Variants in PIK3CD observed in about 807,000 individuals in gnomAD.
The protein encoded by PIK3CD is phosphatidylinositol 4,5-bisphosphate 3-kinase catalytic subunit delta isoform.
Under a neutral mutation model 122.9 loss-of-function variants are expected in PIK3CD, and 20 were observed. The ratio of observed to expected loss-of-function variants is 0.16; its 90% CI spans 0.11 to 0.24. The LOEUF (loss-of-function observed/expected upper bound fraction) is 0.24. PIK3CD is among the 10% of genes least tolerant of loss of function. The pLI is 1.00. For synonymous variants in PIK3CD, 596 were observed against 593.4 expected, an observed-to-expected ratio of 1.00 and a Z score of -0.06; for missense variants, 787 against 1,406.3, an observed-to-expected ratio of 0.56 and a Z score of 7.04.
chr1:9,655,814 A>G (rs775211721), intron 1 of PIK3CD, among the ~76,000 whole-genome samples: 14 of 147,138 alleles, frequency 9.5e-5, no homozygotes, highest in Middle Eastern at 3.6e-3. Flanking sequence ...CTCCCACCTC[A>G]GCCTCCTGAG....
the PIK3CD span, among the ~76,000 whole-genome samples, chr1:9,645,604 A>ATTT: frequency 2.7e-4 from 36 of 131,798 alleles, no homozygotes; most frequent in Middle Eastern, 3.8e-3. Context: ...GGAATGGCTA[A>ATTT]TTTTTTTTTT....
chr1:9,663,022 C>T (rs994253380), intron 1 of PIK3CD, among the ~76,000 whole-genome samples: 4 of 152,146 alleles, frequency 2.6e-5, no homozygotes, highest in African/African-American at 4.8e-5. Context: ...TATTGCTCTG[C>T]GGAGGCTGTC....
chr1:9,689,861 C>T lies in PIK3CD; in HGVS notation c.-137-1606C>T, dbSNP rs1246654984. 6.7e-6 allele frequency among the ~76,000 whole-genome samples: 1 copy of T among 148,886 alleles called. No individual in the cohort carries two copies. The highest frequency in any genetic ancestry group is 2.5e-5 in the African/African-American group (1 of 40,602). On this transcript the variant is annotated intron_variant, in intron 1 of 23. Coordinates refer to ENST00000377346, the MANE Select transcript of PIK3CD (RefSeq NM_005026.5). The surrounding 1 kb of genome is among the most constrained non-coding windows in gnomAD (Gnocchi z 6.1). ...GGGTCGGTGGAGGCGATCAGGGGTC[C>T]GGGGCCGTGGGGGCTTGGGGGGCCG...
intron 2 of PIK3CD, among the ~76,000 whole-genome samples, chr1:9,705,784 A>G (rs1646808848): frequency 6.6e-6 from 1 of 152,232 alleles, no homozygotes; most frequent in Non-Finnish European, 1.5e-5. Context: ...CATTCACATC[A>G]AATTGGCAAA....
chr1:9,646,014 C>T, the PIK3CD span, among the ~76,000 whole-genome samples: 6 of 151,838 alleles, frequency 4.0e-5, no homozygotes, highest in African/African-American at 9.7e-5. Flanking sequence ...TCAGGTGATC[C>T]GCCCACCTCA....
Position 9,678,821 on chromosome 1 carries a change from C to T in PIK3CD, c.-137-12646C>T, listed in dbSNP as rs4846189. Among the ~76,000 whole-genome samples, 3,134 of 152,304 alleles carry T rather than the reference C, an allele frequency of 0.021. 248 individuals carry two copies. The East Asian group carries it at 0.23, about 11-fold the overall frequency. On this transcript the variant is annotated intron_variant, in intron 1 of 23. Coordinates refer to ENST00000377346, the MANE Select transcript of PIK3CD (RefSeq NM_005026.5). ...TAAAGAAGACATTGCACAAGTTTGC[C>T]CCTGCCATTTAAATCCTTTGTCCTA...
At chr1:9,657,312 G>A (rs1337875622) in intron 1 of PIK3CD, among the ~76,000 whole-genome samples, 2 of 152,136 alleles carry the variant, frequency 1.3e-5, no homozygotes, top group East Asian at 3.8e-4. Context: ...CAGGTCCTGG[G>A]GGTTAAGACC....
chr1:9,710,180 G>T lies in PIK3CD; in HGVS notation c.-32-244G>T, dbSNP rs886096988. 1.0e-5 allele frequency: 5 copies of T among 490,280 alleles called. No individual in the cohort carries two copies. Among genetic ancestry groups the T allele is most frequent in the African/African-American group, 9.7e-5 (5 of 51,312 alleles). The allele number at this position is 490,280 out of a possible 1,614,324, so 30.4% of individuals were successfully genotyped here. A position where few individuals can be genotyped will look rare whatever the true frequency, so the allele number is the denominator to read the frequency against. ...GATTTGCTGTGCGTGCTCCTGTGGG[G>T]AGGACATGCAGTGTCTGCCTGGGAG... On this transcript the variant is annotated intron_variant, in intron 2 of 23. Coordinates refer to ENST00000377346, the MANE Select transcript of PIK3CD (RefSeq NM_005026.5). The surrounding 1 kb of genome is among the most constrained non-coding windows in gnomAD (Gnocchi z 4.7).
Position 9,723,694 on chromosome 1 carries a change from T to C in PIK3CD, c.2595-275T>C, listed in dbSNP as rs1205935674. On this transcript the variant is annotated intron_variant, in intron 20 of 23. Coordinates refer to ENST00000377346, the MANE Select transcript of PIK3CD (RefSeq NM_005026.5). The surrounding 1 kb of genome is among the most constrained non-coding windows in gnomAD (Gnocchi z 4.9). Reference sequence around the variant, plus strand: ...TCCTGGGGCCTTGGCGCCAGCTGTCTGTGATGCCTCTCTGCATGTGGTCTC... The same window carrying C: ...TCCTGGGGCCTTGGCGCCAGCTGTCCGTGATGCCTCTCTGCATGTGGTCTC... 1.3e-5 allele frequency among the ~76,000 whole-genome samples: 2 copies of C among 152,194 alleles called. No homozygotes were observed. Among genetic ancestry groups the C allele is most frequent in the African/African-American group, 4.8e-5 (2 of 41,446 alleles).
At chr1:9,721,326 G>A in intron 14 of PIK3CD, 78 bp downstream of exon 14, 1 of 1,610,302 alleles carries the variant, frequency 6.2e-7, no homozygotes, top group Non-Finnish European at 8.5e-7. Flanking sequence ...CTCTGGGTGG[G>A]GCCTGAACCT....
At chr1:9,691,327 T>C in intron 1 of PIK3CD, 140 bp from the exon 2 acceptor site, 1 of 384,504 alleles carries the variant, frequency 2.6e-6, no homozygotes, top group Non-Finnish European at 4.6e-6. Context: ...TCAAGTGGAA[T>C]GTGATTGGTT....
rs527346233 is a variant in PIK3CD at position 9,679,642 on chromosome 1, A to G, written c.-137-11825A>G. On this transcript the variant is annotated intron_variant, in intron 1 of 23. Coordinates refer to ENST00000377346, the MANE Select transcript of PIK3CD (RefSeq NM_005026.5). ...AGCTCTCCCAGCCCTACAGGTGGCCAGCCTTCCTGGAGACCACTCCTGGTG... is the reference window on the plus strand; with the variant it reads ...AGCTCTCCCAGCCCTACAGGTGGCCGGCCTTCCTGGAGACCACTCCTGGTG... Among the ~76,000 whole-genome samples the G allele has an allele frequency of 2.8e-4, 43 of 152,234 alleles. 1 individual carries two copies. Among genetic ancestry groups the G allele is most frequent in the Middle Eastern group, 6.8e-3 (2 of 294 alleles).
rs1647231475 is a variant in PIK3CD at position 9,715,100 on chromosome 1, C to T, written c.142-441C>T. On this transcript the variant is annotated intron_variant, in intron 3 of 23. Coordinates refer to ENST00000377346, the MANE Select transcript of PIK3CD (RefSeq NM_005026.5). The surrounding 1 kb of genome is among the most constrained non-coding windows in gnomAD (Gnocchi z 4.1). ...GCTGAGGCAAGAGAATCACTTGAAC[C>T]TGGGAAGCAGAGGTTGCAGTGAGCC... Among the ~76,000 whole-genome samples the T allele has an allele frequency of 6.6e-6, 1 of 152,198 alleles. No homozygotes were observed. Among genetic ancestry groups the T allele is most frequent in the African/African-American group, 2.4e-5 (1 of 41,454 alleles).
chr1:9,666,286 G>T (rs193239862), intron 1 of PIK3CD, among the ~76,000 whole-genome samples: 13 of 131,494 alleles, frequency 9.9e-5, no homozygotes, highest in African/African-American at 3.9e-4. Context: ...TGTCACCGAG[G>T]CTGGAGTACA....
At chr1:9,726,295 T>G (rs1442008007) in intron 23 of PIK3CD, among the ~76,000 whole-genome samples, 3 of 152,014 alleles carry the variant, frequency 2.0e-5, no homozygotes, top group Admixed American at 6.6e-5. Flanking sequence ...AATCATGAGG[T>G]CAGGAGATCG....
At chr1:9,708,584 A>C (rs1646933689) in intron 2 of PIK3CD, among the ~76,000 whole-genome samples, 1 of 152,110 alleles carries the variant, frequency 6.6e-6, no homozygotes, top group Non-Finnish European at 1.5e-5. Flanking sequence ...CCAGTGGCTC[A>C]TTCCTGTCAT....
At chr1:9,686,355 G>A (rs1346606567) in intron 1 of PIK3CD, among the ~76,000 whole-genome samples, 2 of 150,226 alleles carry the variant, frequency 1.3e-5, no homozygotes, top group Admixed American at 6.7e-5. Flanking sequence ...CACCATGCCA[G>A]GCTAATTTTC....
the PIK3CD span, among the ~76,000 whole-genome samples, chr1:9,633,056 T>C: frequency 3.9e-5 from 6 of 151,942 alleles, no homozygotes; most frequent in East Asian, 1.2e-3. Context: ...AGAGACGAGG[T>C]TTCACCATGT....
chr1:9,650,670 G>A (rs530817660), upstream of PIK3CD, among the ~76,000 whole-genome samples: 147 of 152,106 alleles, frequency 9.7e-4, no homozygotes, highest in African/African-American at 3.4e-3. Flanking sequence ...AAGAAAAAAA[G>A]GAATAGAGGC....
Sources: gnomAD v4.1 joint callset for allele counts (sites outside exome capture counted in the v4.1 genomes callset) on GRCh38, gnomAD v4.1.1 for gene constraint, Gnocchi (gnomAD v3.1) non-coding constraint, MANE v1.5 for transcripts, NCBI Gene and HGNC (gene_info 2026-07-23, HGNC 2026-07-21) for gene names.